TLL2: variants seen among roughly 807,000 people sequenced by gnomAD.
TLL2 encodes the protein tolloid like 2.
Under a neutral mutation model 123.0 loss-of-function variants are expected in TLL2, and 106 were observed. The ratio of observed to expected loss-of-function variants is 0.86; its 90% CI spans 0.74 to 1.01. The LOEUF is 1.01. Ranked by LOEUF, TLL2 falls within the 50% of genes least tolerant of loss-of-function variation. The pLI, the probability that TLL2 is intolerant of heterozygous loss-of-function variation, is 0.00. For synonymous variants in TLL2, 494 were observed against 516.8 expected, an observed-to-expected ratio of 0.96 and a Z score of 0.60; for missense variants, 1,332 against 1,336.7, an observed-to-expected ratio of 1.00 and a Z score of 0.06.
At chr10:96,400,357 C>CAAAAAAAAAA (rs55975748) in intron 10 of TLL2, among the ~76,000 whole-genome samples, 4 of 109,884 alleles carry the variant, frequency 3.6e-5, no homozygotes, top group African/African-American at 7.0e-5. Flanking sequence ...CTACTACCAT[C>CAAAAAAAAAA]AAAAAAAAAA....
At chr10:96,511,614 A>T (rs1350291583) in intron 1 of TLL2, among the ~76,000 whole-genome samples, 1 of 152,236 alleles carries the variant, frequency 6.6e-6, no homozygotes, top group Non-Finnish European at 1.5e-5. Context: ...TACTGGGGAA[A>T]ATGAGGCTGT....
At chr10:96,498,812 C>T (rs1454210484) in intron 1 of TLL2, among the ~76,000 whole-genome samples, 3 of 152,162 alleles carry the variant, frequency 2.0e-5, no homozygotes, top group Non-Finnish European at 4.4e-5. Flanking sequence ...GGACAAGGAC[C>T]TCAACTGAGG....
At chr10:96,442,247 A>G (rs1469735492) in intron 3 of TLL2, among the ~76,000 whole-genome samples, 1 of 152,174 alleles carries the variant, frequency 6.6e-6, no homozygotes, top group Non-Finnish European at 1.5e-5. Context: ...ACATAATGCC[A>G]GGAAATAAAC....
intron 1 of TLL2, among the ~76,000 whole-genome samples, chr10:96,504,819 A>G (rs1188843610): frequency 6.6e-6 from 1 of 152,144 alleles, no homozygotes; most frequent in East Asian, 1.9e-4. Context: ...ATCCTGGCTA[A>G]CACGTTTCAC....
intron 1 of TLL2, among the ~76,000 whole-genome samples, chr10:96,496,888 G>A (rs1398851510): frequency 6.6e-6 from 1 of 152,194 alleles, no homozygotes; most frequent in African/African-American, 2.4e-5. Flanking sequence ...AGGAAAGAGA[G>A]CCACGATCAA....
intron 17 of TLL2, 79 bp downstream of exon 17, chr10:96,378,888 A>ACTC: frequency 6.4e-7 from 1 of 1,572,612 alleles, no homozygotes; most frequent in Non-Finnish European, 8.7e-7. Context: ...GCACCTCCTT[A>ACTC]CTCATGCACA....
Position 96,368,025 on chromosome 10 carries a change from TG to T in TLL2, c.*62del. On this transcript the variant is annotated 3_prime_UTR_variant, in exon 21 of 21. Coordinates refer to ENST00000357947, the MANE Select transcript of TLL2 (RefSeq NM_012465.4). ...TTAGGGCAGATTTTCAAGGTGCTAT[TG>T]TTGTTAAAAACAAAACAAAACAAAA... 6.3e-7 allele frequency: 1 copy of T among 1,599,784 alleles called. No individual in the cohort carries two copies. The highest frequency in any genetic ancestry group is 8.5e-7 in the Non-Finnish European group (1 of 1,171,746).
At chr10:96,420,502 A>T (rs1372588813) in intron 7 of TLL2, among the ~76,000 whole-genome samples, 1 of 152,178 alleles carries the variant, frequency 6.6e-6, no homozygotes, top group Non-Finnish European at 1.5e-5. Context: ...AGCTGGCTGG[A>T]GCCTCATTGT....
chr10:96,460,847 T>A (rs1847074688), intron 2 of TLL2, among the ~76,000 whole-genome samples: 1 of 152,186 alleles, frequency 6.6e-6, no homozygotes, highest in African/African-American at 2.4e-5. Context: ...AACTCTCTCA[T>A]CCCTTCTGCC....
Position 96,410,364 on chromosome 10 carries a change from C to T in TLL2, c.1159G>A (p.Glu387Lys). The change falls in exon 9 of 21, where the codon GAA becomes AAA. Residue 387 changes from glutamate to lysine, a missense_variant. Physicochemically the swap from Glu to Lys is moderately conservative, Grantham distance 56. Coordinates refer to ENST00000357947, the MANE Select transcript of TLL2 (RefSeq NM_012465.4). Reference protein sequence around the residue: ...CVWRISVTPGEKIVLNFTSMD... With the variant: ...CVWRISVTPGKKIVLNFTSMD... ...CAAGGGGGCTTCCCACCTACCTTTT[C>T]CCCTGGGGTGACCGAGATCCTCCAG... 1 of 1,612,684 alleles carries T rather than the reference C, an allele frequency of 6.2e-7. No individual in the cohort carries two copies.
At chr10:96,507,871 G>C (rs1003064075) in intron 1 of TLL2, among the ~76,000 whole-genome samples, 1 of 152,088 alleles carries the variant, frequency 6.6e-6, no homozygotes, top group Non-Finnish European at 1.5e-5. Context: ...GTATCATCTG[G>C]AGAAACAAAA....
In TLL2 at chr10:96,386,044, T is replaced by C. The variant is rs1304338249; in HGVS notation, c.2013+11A>G. On this transcript the variant is annotated intron_variant, in intron 15 of 20. Coordinates refer to ENST00000357947, the MANE Select transcript of TLL2 (RefSeq NM_012465.4). ...ATACAGTCCCCAATCAATTAGAGCA[T>C]GGAGACATACGTCATTGCCTTCCAG... 7.6e-6 allele frequency: 12 copies of C among 1,580,034 alleles called. No homozygotes were observed. Among genetic ancestry groups the C allele is most frequent in the South Asian group, 7.1e-5 (6 of 84,714 alleles).
At chr10:96,372,862 T>G (rs1815363919) in intron 19 of TLL2, among the ~76,000 whole-genome samples, 1 of 152,052 alleles carries the variant, frequency 6.6e-6, no homozygotes, top group Admixed American at 6.6e-5. Flanking sequence ...TAGTTTTTAT[T>G]TTGTAGAGAT....
intron 5 of TLL2, among the ~76,000 whole-genome samples, chr10:96,425,431 G>A (rs1846670368): frequency 6.6e-6 from 1 of 151,808 alleles, no homozygotes; most frequent in Non-Finnish European, 1.5e-5. Flanking sequence ...TGAATGTACA[G>A]CTTATTTTAG....
At position 96,433,055 on chromosome 10, in the gene TLL2, G is replaced by A. The variant is rs1366064539; in HGVS notation, c.365-93C>T. Reference sequence around the variant, plus strand: ...TATTATCCACAATTCCAAAAAGGGGGTGTTAAAACATGTTCCAAAGGGGCT... The same window carrying A: ...TATTATCCACAATTCCAAAAAGGGGATGTTAAAACATGTTCCAAAGGGGCT... On this transcript the variant is annotated intron_variant, in intron 3 of 20. Coordinates refer to ENST00000357947, the MANE Select transcript of TLL2 (RefSeq NM_012465.4). The A allele has an allele frequency of 3.3e-6, 5 of 1,514,036 alleles. No homozygotes were observed. In the African/African-American group the frequency reaches 5.5e-5, roughly 17 times the overall value. The allele number at this position is 1,514,036 out of a possible 1,614,324, so 93.8% of individuals were successfully genotyped here. A position where few individuals can be genotyped will look rare whatever the true frequency, so the allele number is the denominator to read the frequency against.
chr10:96,470,126 G>C (rs1436939232), intron 2 of TLL2, among the ~76,000 whole-genome samples: 2 of 152,208 alleles, frequency 1.3e-5, no homozygotes, highest in African/African-American at 4.8e-5. Flanking sequence ...AAAGGGCCCT[G>C]TAAAGAGAAG....
chr10:96,394,040 G>T (rs1923698), intron 13 of TLL2, among the ~76,000 whole-genome samples: 147,072 of 152,246 alleles, frequency 0.97, 71,194 homozygotes, highest in Non-Finnish European at 1. Context: ...CTGGGTGACA[G>T]TGCAGAAGTG....
At position 96,379,088 on chromosome 10, in the gene TLL2, C is replaced by T; in HGVS notation, c.2199G>A (p.Lys733=). 6.2e-7 allele frequency: 1 copy of T among 1,614,060 alleles called. No individual in the cohort carries two copies. The highest frequency in any genetic ancestry group is 8.5e-7 in the Non-Finnish European group (1 of 1,179,934). Residue 733 remains lysine (K), a synonymous_variant, in exon 17 of 21, where the codon AAG becomes AAA. Transcript: ENST00000357947. ...RGFRAHFFSD[K]DECAKDNGGC... ...CGCCGTTGTCCTTGGCACACTCGTC[C>T]TTATCTGGGGAGATCAATGAACTCT...
In TLL2 at chr10:96,368,108, C is replaced by A. The variant is rs1846046426; in HGVS notation, c.3028G>T (p.Ala1010Ser). 1 of 1,614,240 alleles carries A rather than the reference C, an allele frequency of 6.2e-7. No homozygotes were observed. Among genetic ancestry groups the A allele is most frequent in the African/African-American group, 1.3e-5 (1 of 75,068 alleles). ...ARYTSTKFQD[A>S]LHMKK The stretch of plus-strand genomic sequence containing the variant: ...CAGCACTATTTCTTCATGTGCAGGG[C>A]ATCCTGGAACTTGGTGCTGGTGTAT... Residue 1010 changes from alanine (A) to serine (S), a missense_variant, in exon 21 of 21, where the codon GCC becomes TCC. By Grantham distance (99) the Ala-to-Ser change is moderately conservative. Coordinates refer to ENST00000357947, the MANE Select transcript of TLL2 (RefSeq NM_012465.4).
Sources: allele counts gnomAD v4.1 joint callset (sites outside exome capture counted in the v4.1 genomes callset), GRCh38; gene constraint gnomAD v4.1.1; transcripts MANE v1.5; gene names NCBI Gene and HGNC (gene_info 2026-07-23, HGNC 2026-07-21).